FER1L5: variants seen among roughly 807,000 people sequenced by gnomAD.
FER1L5 encodes the protein fer-1-like protein 5.
FER1L5 carries 187 observed loss-of-function variants against 279.9 expected under a neutral mutation model. That is an observed-to-expected ratio of 0.67 (90% CI 0.59 to 0.75). The LOEUF is 0.75. FER1L5 is among the 30% of genes least tolerant of loss of function. The pLI, the probability that FER1L5 is intolerant of heterozygous loss-of-function variation, is 0.00. For synonymous variants in FER1L5, 921 were observed against 989.7 expected, an observed-to-expected ratio of 0.93 and a Z score of 1.30; for missense variants, 2,091 against 2,594.4, an observed-to-expected ratio of 0.81 and a Z score of 4.21.
chr2:96,699,093 C>T lies in FER1L5; in HGVS notation c.4567C>T (p.Arg1523Trp), dbSNP rs780991439. 19 of 1,611,782 alleles carry T rather than the reference C, an allele frequency of 1.2e-5. No homozygotes were observed. Among genetic ancestry groups the T allele is most frequent in the Admixed American group, 6.7e-5 (4 of 59,672 alleles). Reference sequence around the variant, plus strand: ...ACTGGGCAAGACAGAGCTTGGCAACCGGGACATGTACCAGCCCAACACTCT... The same window carrying T: ...ACTGGGCAAGACAGAGCTTGGCAACTGGGACATGTACCAGCCCAACACTCT... Reference protein sequence around the residue: ...LKLGKTELGNRDMYQPNTLDP... With the variant: ...LKLGKTELGNWDMYQPNTLDP... Residue 1523 changes from arginine to tryptophan, a missense_variant, in exon 42 of 53, where the codon CGG becomes TGG. Physicochemically the swap from Arg to Trp is moderately radical, Grantham distance 101. Coordinates refer to ENST00000624922, the MANE Select transcript of FER1L5 (RefSeq NM_001293083.2).
intron 30 of FER1L5, 56 bp downstream of exon 30, chr2:96,692,019 C>CGGG (rs368566816): frequency 2.1e-5 from 19 of 889,430 alleles, no homozygotes; most frequent in African/African-American, 1.1e-4. Flanking sequence ...TACCCGAGGG[C>CGGG]GGGGGGGGGG....
intron 8 of FER1L5, chr2:96,654,198 G>A: frequency 2.8e-6 from 1 of 352,544 alleles, no homozygotes; most frequent in Non-Finnish European, 5.1e-6. Context: ...CTTGCTTTGT[G>A]TTGACTTGGG....
In FER1L5 at chr2:96,698,057, G is replaced by C; in HGVS notation, c.4257G>C (p.Glu1419Asp). ...TGCAGGTGTATGAGTGTGAGCTGGA[G>C]GCCGTGCCAGCCTTCCAGGGCCTGC... Reference protein sequence around the residue: ...HTLKVYECELEAVPAFQGLQD... With the variant: ...HTLKVYECELDAVPAFQGLQD... The change falls in exon 40 of 53, where the codon GAG becomes GAC. Residue 1419 changes from glutamate (E) to aspartate (D), a missense_variant. Transcript: ENST00000624922. The surrounding 1 kb of genome is among the most constrained non-coding windows in gnomAD (Gnocchi z 5.5). The C allele has an allele frequency of 6.3e-7, 1 of 1,580,378 alleles. No individual in the cohort carries two copies. Among genetic ancestry groups the C allele is most frequent in the Non-Finnish European group, 8.6e-7 (1 of 1,163,210 alleles).
Position 96,673,125 on chromosome 2 carries a change from T to G in FER1L5, c.1540T>G (p.Cys514Gly). Residue 514 changes from cysteine to glycine, a missense_variant, in exon 19 of 53, where the codon TGT becomes GGT. Coordinates refer to ENST00000624922, the MANE Select transcript of FER1L5 (RefSeq NM_001293083.2). ...KYGLCVIFLS[C>G]TMMPNFKELI... ...TGGGCTGTGCGTCATCTTCCTTTCCTGTACCATGATGCCCAACTTTAAAGA... is the reference window on the plus strand; with the variant it reads ...TGGGCTGTGCGTCATCTTCCTTTCCGGTACCATGATGCCCAACTTTAAAGA... 7 of 1,551,620 alleles carry G rather than the reference T, an allele frequency of 4.5e-6. No individual in the cohort carries two copies. The highest frequency in any genetic ancestry group is 6.1e-6 in the Non-Finnish European group (7 of 1,146,940).
At chr2:96,647,926 G>A in intron 4 of FER1L5, 40 bp downstream of exon 4, 2 of 1,471,242 alleles carry the variant, frequency 1.4e-6, no homozygotes, top group Non-Finnish European at 1.9e-6. Flanking sequence ...GGTGGCTGGA[G>A]GAATGAGGGG....
chr2:96,665,127 G>C (rs2106545800), intron 14 of FER1L5, among the ~76,000 whole-genome samples: 2 of 152,308 alleles, frequency 1.3e-5, no homozygotes, highest in Middle Eastern at 6.8e-3. Context: ...AGGCTTCTAA[G>C]AGCAGTGTGT....
chr2:96,677,300 C>T (rs762237145), intron 19 of FER1L5, among the ~76,000 whole-genome samples: 3 of 152,206 alleles, frequency 2.0e-5, no homozygotes, highest in East Asian at 1.9e-4. Context: ...CCTGTCCCCA[C>T]CCCCAGGTCC....
chr2:96,694,319 G>C lies in FER1L5; in HGVS notation c.3637-41G>C. ...GCTTGAGGTGAGGGTGAGGGCAGCAGGACCAGCCCAGAGGGCCTCATGCTC... is the reference window on the plus strand; with the variant it reads ...GCTTGAGGTGAGGGTGAGGGCAGCACGACCAGCCCAGAGGGCCTCATGCTC... On this transcript the variant is annotated intron_variant, in intron 33 of 52. Coordinates refer to ENST00000624922, the MANE Select transcript of FER1L5 (RefSeq NM_001293083.2). This position sits in a 1 kb window ranked among gnomAD's most constrained non-coding sequence, Gnocchi z 4.6. The C allele has an allele frequency of 2.0e-6, 3 of 1,502,654 alleles. No individual in the cohort carries two copies. Among genetic ancestry groups the C allele is most frequent in the Non-Finnish European group, 2.7e-6 (3 of 1,117,126 alleles). The allele number at this position is 1,502,654 out of a possible 1,614,324, so 93.1% of individuals were successfully genotyped here.
Position 96,689,318 on chromosome 2 carries a change from T to C in FER1L5, c.2467T>C (p.Phe823Leu). 1 of 1,550,346 alleles carries C rather than the reference T, an allele frequency of 6.5e-7. No homozygotes were observed. The highest frequency in any genetic ancestry group is 8.7e-7 in the Non-Finnish European group (1 of 1,146,628). ...MGNKTLPMTDFQPPLGWHWQD... is the reference protein window; with the variant it reads ...MGNKTLPMTDLQPPLGWHWQD... ...GAACAAGACCCTCCCCATGACGGAT[T>C]TCCAACCACCCCTGGGATGGCACTG... The change falls in exon 25 of 53, where the codon TTC (phenylalanine) becomes CTC (leucine). Residue 823 changes from phenylalanine (F) to leucine (L), a missense_variant. Coordinates refer to ENST00000624922, the MANE Select transcript of FER1L5 (RefSeq NM_001293083.2). This position sits in a 1 kb window ranked among gnomAD's most constrained non-coding sequence, Gnocchi z 4.6.
intron 10 of FER1L5, 80 bp from the exon 11 acceptor site, chr2:96,661,245 C>T (rs566429263): frequency 9.9e-7 from 1 of 1,007,326 alleles, no homozygotes; most frequent in African/African-American, 1.6e-5. Flanking sequence ...ACCTTCCCCT[C>T]CTGCTAAAAC....
chr2:96,678,418 A>ATTGTGC (rs1199686933), intron 19 of FER1L5, among the ~76,000 whole-genome samples: 6 of 148,564 alleles, frequency 4.0e-5, no homozygotes, highest in East Asian at 2.0e-4. Flanking sequence ...GGTGTGAGCC[A>ATTGTGC]CTGCACTCAG....
rs1361689274 is a variant in FER1L5 at position 96,703,643 on chromosome 2, T to C, written c.5801+11T>C. 1 of 1,612,840 alleles carries C rather than the reference T, an allele frequency of 6.2e-7. No individual in the cohort carries two copies. The highest frequency in any genetic ancestry group is 8.5e-7 in the Non-Finnish European group (1 of 1,179,010). On this transcript the variant is annotated intron_variant, in intron 51 of 52. Transcript: ENST00000624922. ...ACTTCATCCTCCCCTGTAAGGGTCC[T>C]TGGGGCAAAAGCACCAGATCTTTCT...
Position 96,686,298 on chromosome 2 carries a change from G to A in FER1L5, c.2177G>A (p.Gly726Glu). 1 of 1,551,612 alleles carries A rather than the reference G, an allele frequency of 6.4e-7. No individual in the cohort carries two copies. Among genetic ancestry groups the A allele is most frequent in the South Asian group, 1.2e-5 (1 of 84,066 alleles). ...PAHSVLFSPAGALHSGRLCGK... is the reference protein window; with the variant it reads ...PAHSVLFSPAEALHSGRLCGK... Reference sequence around the variant, plus strand: ...CACTCCGTCCTCTTCTCCCCGGCAGGGGCTCTGCACTCCGGCAGGCTCTGT... The same window carrying A: ...CACTCCGTCCTCTTCTCCCCGGCAGAGGCTCTGCACTCCGGCAGGCTCTGT... Residue 726 changes from glycine (G) to glutamate (E), a missense_variant, in exon 23 of 53, where the codon GGG becomes GAG. By Grantham distance (98) the Gly-to-Glu change is moderately conservative. Coordinates refer to ENST00000624922, the MANE Select transcript of FER1L5 (RefSeq NM_001293083.2).
chr2:96,696,450 G>A (rs1336854693), intron 37 of FER1L5, among the ~76,000 whole-genome samples: 3 of 152,118 alleles, frequency 2.0e-5, no homozygotes, highest in East Asian at 3.9e-4. Flanking sequence ...CCGCCACCAC[G>A]CACGGCTAAT....
At position 96,698,961 on chromosome 2, in the gene FER1L5, G is replaced by A; in HGVS notation, c.4519-84G>A. The A allele has an allele frequency of 6.5e-7, 1 of 1,535,104 alleles. No individual in the cohort carries two copies. On this transcript the variant is annotated intron_variant, in intron 41 of 52. Transcript: ENST00000624922. This position sits in a 1 kb window ranked among gnomAD's most constrained non-coding sequence, Gnocchi z 5.5. ...AGGCTCCGTGTGGTGCGAGGGGCTT[G>A]TTTCCACCCTCCTCCCACCCTCCCT... is the stretch of plus-strand genomic sequence containing the variant.
At chr2:96,686,623 G>A (rs1289488999) in intron 23 of FER1L5, among the ~76,000 whole-genome samples, 2 of 152,076 alleles carry the variant, frequency 1.3e-5, no homozygotes, top group Non-Finnish European at 2.9e-5. Context: ...GGGAGGCTGA[G>A]GCGGGTGGAT....
Position 96,679,251 on chromosome 2 carries a change from G to A in FER1L5, c.1670-5076G>A, listed in dbSNP as rs141158336. ...TAGTTTTTTTTTTTTTTGAGATGGCGTCTCGCTCCCTCACCAGGCTGGAGT... is the reference window on the plus strand; with the variant it reads ...TAGTTTTTTTTTTTTTTGAGATGGCATCTCGCTCCCTCACCAGGCTGGAGT... On this transcript the variant is annotated intron_variant, in intron 19 of 52. Coordinates refer to ENST00000624922, the MANE Select transcript of FER1L5 (RefSeq NM_001293083.2). Among the ~76,000 whole-genome samples, 44 of 150,850 alleles carry A rather than the reference G, an allele frequency of 2.9e-4. 2 individuals are homozygous for A. The East Asian group carries it at 6.2e-3, about 21-fold the overall frequency.
rs1172127000 is a variant in FER1L5, at chr2:96,687,781, AGTGCCCCTGTGGGACCG to A, written c.2230-34_2230-18del. The A allele has an allele frequency of 6.5e-7, 1 of 1,548,220 alleles. No individual in the cohort carries two copies. Among genetic ancestry groups the A allele is most frequent in the African/African-American group, 1.4e-5 (1 of 72,964 alleles). On this transcript the variant is annotated intron_variant, in intron 23 of 52. Coordinates refer to ENST00000624922, the MANE Select transcript of FER1L5 (RefSeq NM_001293083.2). ...GGCCGGGGTGGCGTTCAGGGTGTTT[AGTGCCCCTGTGGGACCG>A]ATCGGCCTCTGGCTCAGTACCCAGA... is the stretch of plus-strand genomic sequence containing the variant.
chr2:96,676,141 T>C (rs188851494), intron 19 of FER1L5, among the ~76,000 whole-genome samples: 2 of 152,332 alleles, frequency 1.3e-5, no homozygotes, highest in Admixed American at 6.5e-5. Context: ...TGGAGCACCA[T>C]TTGCCTGAAA....
Sources: gnomAD v4.1 joint callset for allele counts (sites outside exome capture counted in the v4.1 genomes callset) on GRCh38, gnomAD v4.1.1 for gene constraint, Gnocchi (gnomAD v3.1) non-coding constraint, MANE v1.5 for transcripts, NCBI Gene and HGNC (gene_info 2026-07-23, HGNC 2026-07-21) for gene names.